SORCS2: variants seen among roughly 807,000 people sequenced by gnomAD.
SORCS2 encodes VPS10 domain-containing receptor SorCS2.
SORCS2 carries 100 observed loss-of-function variants against 141.6 expected under a neutral mutation model. The observed-to-expected ratio is 0.71, with a 90% CI of 0.60 to 0.83. SORCS2 has a LOEUF of 0.83. SORCS2 is among the 40% of genes least tolerant of loss of function. SORCS2 has a pLI of 0.00. For synonymous variants in SORCS2, 789 were observed against 676.9 expected (o/e 1.17, Z -2.57); for missense variants, 1,646 against 1,560.2 (o/e 1.05, Z -0.93).
At chr4:7,724,910 T>TGA (rs1560115059) in intron 19 of SORCS2, among the ~76,000 whole-genome samples, 2 of 28,428 alleles carry the variant, frequency 7.0e-5, no homozygotes, top group African/African-American at 3.5e-4. Context: ...GGTGATAGTA[T>TGA]TGGTGGGAAT....
At chr4:7,196,947 C>G (rs918289075) in intron 1 of SORCS2, among the ~76,000 whole-genome samples, 2 of 152,226 alleles carry the variant, frequency 1.3e-5, no homozygotes, top group African/African-American at 4.8e-5. Context: ...ATCATGACAT[C>G]TGCCAGGTGT....
intron 12 of SORCS2, among the ~76,000 whole-genome samples, chr4:7,701,743 T>C (rs13101513): frequency 0.069 from 10,482 of 152,258 alleles, 493 homozygotes; most frequent in Non-Finnish European, 0.11. Context: ...CCCAGGGCCT[T>C]CTGCTGGCTC....
At chr4:7,581,085 G>C (rs1716110263) in intron 3 of SORCS2, among the ~76,000 whole-genome samples, 1 of 150,488 alleles carries the variant, frequency 6.6e-6, no homozygotes, top group Non-Finnish European at 1.5e-5. Flanking sequence ...TATGAAGCTA[G>C]AAAAGGTGCA....
At chr4:7,263,379 AG>A (rs1714494979) in intron 1 of SORCS2, among the ~76,000 whole-genome samples, 1 of 152,172 alleles carries the variant, frequency 6.6e-6, no homozygotes, top group Non-Finnish European at 1.5e-5. Flanking sequence ...AGGAGCAGGA[AG>A]GACCTTGTCA....
At chr4:7,705,796 C>T (rs1560498278) in intron 14 of SORCS2, among the ~76,000 whole-genome samples, 1 of 152,384 alleles carries the variant, frequency 6.6e-6, no homozygotes, top group East Asian at 1.9e-4. Flanking sequence ...CCCTGAATGC[C>T]CCAGAGGGGC....
chr4:7,395,341 C>A (rs556889408), intron 1 of SORCS2, among the ~76,000 whole-genome samples: 1 of 152,230 alleles, frequency 6.6e-6, no homozygotes, highest in Non-Finnish European at 1.5e-5. Context: ...ACGAGGCTAA[C>A]AGCTGCTCCA....
At position 7,723,715 on chromosome 4, in the gene SORCS2, A is replaced by G; in HGVS notation, c.2443A>G (p.Lys815Glu). The change falls in exon 19 of 27, where the codon AAG (lysine) becomes GAG (glutamate). Residue 815 changes from lysine (K) to glutamate (E), a missense_variant. Coordinates refer to ENST00000507866, the MANE Select transcript of SORCS2 (RefSeq NM_020777.3). The part of the protein sequence containing the change: ...RQEQGDVLTT[K>E]YQVDLGDGFK... ...TCTGCAGGGTGATGTCCTGACTACC[A>G]AGTACCAGGTAGACCTTGGGGACGG... The G allele has an allele frequency of 6.2e-7, 1 of 1,613,940 alleles. No individual in the cohort carries two copies.
chr4:7,690,315 G>A (rs959007112), intron 11 of SORCS2, among the ~76,000 whole-genome samples: 2 of 135,246 alleles, frequency 1.5e-5, no homozygotes, highest in African/African-American at 5.5e-5. Flanking sequence ...TGAATGGGTG[G>A]TGGATAGGTG....
intron 1 of SORCS2, among the ~76,000 whole-genome samples, chr4:7,386,742 CACAT>C (rs751469357): frequency 2.0e-5 from 2 of 101,442 alleles, no homozygotes; most frequent in Non-Finnish European, 2.0e-5. Flanking sequence ...CATATGCACA[CACAT>C]ACAGGTACAC....
At chr4:7,597,409 G>T (rs944266241) in intron 3 of SORCS2, among the ~76,000 whole-genome samples, 4 of 143,022 alleles carry the variant, frequency 2.8e-5, no homozygotes, top group African/African-American at 1.1e-4. Context: ...AGGGGCTGTT[G>T]CAATAGGAGA....
At chr4:7,702,342 C>G (rs1247636912) in intron 12 of SORCS2, among the ~76,000 whole-genome samples, 1 of 152,222 alleles carries the variant, frequency 6.6e-6, no homozygotes, top group Non-Finnish European at 1.5e-5. Context: ...GAGACATGCG[C>G]TGGCCGCCCA....
At position 7,689,497 on chromosome 4, in the gene SORCS2, C is replaced by A; in HGVS notation, c.1500C>A (p.His500Gln). ...TCTCTTCCTTGCAGCCAGACTGCCA[C>A]CTGCACCTGCACCTGCGCTGGGCAG... is the stretch of plus-strand genomic sequence containing the variant. ...KPTNCKPPDC[H>Q]LHLHLRWADN... Residue 500 changes from histidine (H) to glutamine (Q), a missense_variant, in exon 11 of 27, where the codon CAC (histidine) becomes CAA (glutamine). Physicochemically the swap from His to Gln is conservative, Grantham distance 24 (BLOSUM62 0). Coordinates refer to ENST00000507866, the MANE Select transcript of SORCS2 (RefSeq NM_020777.3). The A allele has an allele frequency of 6.3e-7, 1 of 1,595,164 alleles. No homozygotes were observed. Among genetic ancestry groups the A allele is most frequent in the Non-Finnish European group, 8.5e-7 (1 of 1,170,250 alleles).
chr4:7,645,266 A>C (rs1396294358), intron 4 of SORCS2, among the ~76,000 whole-genome samples: 2 of 152,172 alleles, frequency 1.3e-5, no homozygotes, highest in Non-Finnish European at 2.9e-5. Flanking sequence ...GAGGTGACCA[A>C]CCATCCTTCT....
At chr4:7,625,755 G>A (rs1719477095) in intron 3 of SORCS2, among the ~76,000 whole-genome samples, 1 of 152,026 alleles carries the variant, frequency 6.6e-6, no homozygotes, top group South Asian at 2.1e-4. Flanking sequence ...GGAAGAGAAG[G>A]AGGGAGGGAG....
intron 11 of SORCS2, among the ~76,000 whole-genome samples, chr4:7,693,097 T>A (rs1239760898): frequency 6.6e-6 from 1 of 152,172 alleles, no homozygotes; most frequent in Non-Finnish European, 1.5e-5. Context: ...CGACTGGGCG[T>A]GTTGCAGGAC....
chr4:7,432,952 G>C (rs1726984546), intron 2 of SORCS2: 1 of 175,680 alleles, frequency 5.7e-6, no homozygotes, highest in Non-Finnish European at 1.2e-5. Context: ...ACCCCAGCCT[G>C]GCTCACAGCC....
intron 1 of SORCS2, among the ~76,000 whole-genome samples, chr4:7,309,859 TGGTA>T (rs1348751014): frequency 6.6e-6 from 1 of 152,062 alleles, no homozygotes; most frequent in Non-Finnish European, 1.5e-5. Context: ...CGCCAGGCCT[TGGTA>T]GGTGGCAGCT....
At chr4:7,218,232 G>A (rs2108756156) in intron 1 of SORCS2, among the ~76,000 whole-genome samples, 1 of 152,276 alleles carries the variant, frequency 6.6e-6, no homozygotes, top group South Asian at 2.1e-4. Context: ...CACTGCACTT[G>A]GCCGGCTCAC....
chr4:7,540,592 G>A (rs1712551323), intron 3 of SORCS2, among the ~76,000 whole-genome samples: 1 of 152,240 alleles, frequency 6.6e-6, no homozygotes, highest in Non-Finnish European at 1.5e-5. Flanking sequence ...GTGCCGAGAT[G>A]CTTTGGCGCT....
Sources: allele counts gnomAD v4.1 joint callset (sites outside exome capture counted in the v4.1 genomes callset), GRCh38; gene constraint gnomAD v4.1.1; transcripts MANE v1.5; gene names NCBI Gene and HGNC (gene_info 2026-07-23, HGNC 2026-07-21).